PCDHA3: variants seen among roughly 807,000 people sequenced by gnomAD.
The protein encoded by PCDHA3 is protocadherin alpha 3.
PCDHA3 carries 41 observed loss-of-function variants against 62.2 expected under a neutral mutation model. The ratio of observed to expected loss-of-function variants is 0.66; its 90% CI spans 0.51 to 0.86. PCDHA3 has a LOEUF of 0.86. Ranked by LOEUF, PCDHA3 falls within the 40% of genes least tolerant of loss-of-function variation. The pLI is 0.00. For synonymous variants in PCDHA3, 640 were observed against 555.4 expected (o/e 1.15, Z -2.14); for missense variants, 1,304 against 1,241.2 (o/e 1.05, Z -0.76).
At chr5:140,941,204 T>TTTCC (rs1348435161) in intron 1 of PCDHA3, among the ~76,000 whole-genome samples, 2 of 88,662 alleles carry the variant, frequency 2.3e-5, no homozygotes, top group Non-Finnish European at 4.4e-5. Flanking sequence ...TCTTTCTTCC[T>TTTCC]TTCTTTCTTC....
At chr5:140,899,518 C>T (rs546972156) in intron 1 of PCDHA3, among the ~76,000 whole-genome samples, 145 of 152,230 alleles carry the variant, frequency 9.5e-4, no homozygotes, top group African/African-American at 2.6e-3. Context: ...TATTGCATCC[C>T]AGGGATGAAG....
chr5:140,942,157 T>C (rs2093241169), intron 1 of PCDHA3, among the ~76,000 whole-genome samples: 1 of 152,236 alleles, frequency 6.6e-6, no homozygotes, highest in Non-Finnish European at 1.5e-5. Context: ...TAAAACAGCT[T>C]CCATATTTCT....
chr5:140,884,514 C>T (rs368331245), intron 1 of PCDHA3: 3 of 1,614,176 alleles, frequency 1.9e-6, no homozygotes, highest in African/African-American at 1.3e-5. Context: ...GGGAGTTGGT[C>T]GTACTCGCAG....
intron 1 of PCDHA3, chr5:140,929,006 C>G: frequency 6.2e-7 from 1 of 1,614,050 alleles, no homozygotes; most frequent in Non-Finnish European, 8.5e-7. Context: ...TTCGTGTGTA[C>G]CAAGTTGCAC....
intron 1 of PCDHA3, among the ~76,000 whole-genome samples, chr5:140,965,085 C>T (rs1439379437): frequency 6.6e-6 from 1 of 152,142 alleles, no homozygotes; most frequent in African/African-American, 2.4e-5. Context: ...TGACTTTGTT[C>T]CAGTCCATAG....
At chr5:141,006,634 A>G (rs1324728437) in intron 3 of PCDHA3, among the ~76,000 whole-genome samples, 4 of 152,220 alleles carry the variant, frequency 2.6e-5, no homozygotes, top group Non-Finnish European at 5.9e-5. Flanking sequence ...GCTGCAATTC[A>G]TATAAGAGAT....
chr5:140,968,629 T>C, intron 1 of PCDHA3: 1 of 1,614,174 alleles, frequency 6.2e-7, no homozygotes, highest in Non-Finnish European at 8.5e-7. Context: ...CTTGGCTTTT[T>C]TACCATCTAG....
chr5:140,857,481 C>G (rs1554150087), intron 1 of PCDHA3: 1 of 1,598,530 alleles, frequency 6.3e-7, no homozygotes, highest in Non-Finnish European at 8.6e-7. Flanking sequence ...ACGGTGTCTG[C>G]GTGGGACGCG....
At chr5:140,856,621 A>T in intron 1 of PCDHA3, 1 of 1,597,974 alleles carries the variant, frequency 6.3e-7, no homozygotes, top group Non-Finnish European at 8.6e-7. Context: ...ACAAATTCCC[A>T]GTGCTTGTTC....
At chr5:140,835,741 C>A (rs558922738) in intron 1 of PCDHA3, 1 of 1,613,586 alleles carries the variant, frequency 6.2e-7, no homozygotes, top group Admixed American at 1.7e-5. Flanking sequence ...GACAACGCCC[C>A]GGCGTTCGCG....
intron 1 of PCDHA3, chr5:140,865,989 T>A (rs955714257): frequency 1.3e-5 from 2 of 152,172 alleles, no homozygotes; most frequent in Non-Finnish European, 2.9e-5. Flanking sequence ...TGGCACTAAG[T>A]TTTTTTATGT....
intron 1 of PCDHA3, chr5:140,815,925 G>T (rs1464876643): frequency 1.3e-5 from 2 of 152,112 alleles, no homozygotes; most frequent in Non-Finnish European, 2.9e-5. Context: ...GGATGGCAAG[G>T]TTTCTACTGA....
intron 3 of PCDHA3, among the ~76,000 whole-genome samples, chr5:141,000,512 CCTT>C (rs1340468179): frequency 2.1e-5 from 3 of 144,282 alleles, no homozygotes; most frequent in Non-Finnish European, 4.5e-5. Context: ...ACTGCAACCT[CCTT>C]CTCCAGGGTT....
At chr5:140,998,295 A>G (rs2097805023) in intron 3 of PCDHA3, among the ~76,000 whole-genome samples, 1 of 152,206 alleles carries the variant, frequency 6.6e-6, no homozygotes, top group Non-Finnish European at 1.5e-5. Context: ...CAGATCACAC[A>G]TTTAGTAAGG....
intron 1 of PCDHA3, chr5:140,841,275 A>G: frequency 6.5e-7 from 1 of 1,534,690 alleles, no homozygotes; most frequent in Non-Finnish European, 8.8e-7. Context: ...ACAGTCGTTC[A>G]TCTTTATATT....
chr5:140,873,634 G>C (rs1040264226), intron 1 of PCDHA3, among the ~76,000 whole-genome samples: 1 of 152,158 alleles, frequency 6.6e-6, no homozygotes, highest in Non-Finnish European at 1.5e-5. Flanking sequence ...AGGTCAAAGA[G>C]TATGTGAGAA....
chr5:140,852,115 C>A, intron 1 of PCDHA3: 1 of 906,762 alleles, frequency 1.1e-6, no homozygotes, highest in Non-Finnish European at 1.3e-6. Context: ...CAAGGTATGA[C>A]CTAATTAAAA....
At chr5:140,834,416 CCGA>C in intron 1 of PCDHA3, 1 of 1,611,158 alleles carries the variant, frequency 6.2e-7, no homozygotes. Context: ...ACCCAGGGGG[CCGA>C]CATCTACTGC....
At chr5:140,926,707 C>A in intron 1 of PCDHA3, 5 of 886,092 alleles carry the variant, frequency 5.6e-6, no homozygotes, top group Non-Finnish European at 7.9e-6. Context: ...TCCCAGCTGG[C>A]CAGCCCCGGC....
Sources: gnomAD v4.1 joint callset for allele counts (sites outside exome capture counted in the v4.1 genomes callset) on GRCh38, gnomAD v4.1.1 for gene constraint, MANE v1.5 for transcripts, NCBI Gene and HGNC (gene_info 2026-07-23, HGNC 2026-07-21) for gene names.